Variants in KIF17 observed in about 807,000 individuals in gnomAD.
KIF17 encodes the protein kinesin-like protein KIF17.
Under a neutral mutation model 96.8 loss-of-function variants are expected in KIF17, and 80 were observed. That is an observed-to-expected ratio of 0.83 (90% confidence interval 0.69 to 1.00). KIF17 has a LOEUF of 1.00. KIF17 is among the 50% of genes least tolerant of loss of function. The probability of loss-of-function intolerance (pLI) is 0.00; values close to 1 mark genes in which losing one functional copy is unlikely to be tolerated. For synonymous variants in KIF17, 567 were observed against 587.5 expected (o/e 0.97, Z 0.51); for missense variants, 1,280 against 1,372.9 (o/e 0.93, Z 1.07).
In KIF17 at chr1:20,685,315, G is replaced by A. The variant is rs1027184172; in HGVS notation, c.2020-295C>T. The A allele has an allele frequency of 1.4e-4, 85 of 587,654 alleles. No homozygotes were observed. Among genetic ancestry groups the A allele is most frequent in the Middle Eastern group, 6.2e-4 (2 of 3,250 alleles). The allele number at this position is 587,654 out of a possible 1,614,324, so 36.4% of individuals were successfully genotyped here. On this transcript the variant is annotated intron_variant, in intron 9 of 14. Coordinates refer to ENST00000400463, the MANE Select transcript of KIF17 (RefSeq NM_001122819.3). This position sits in a 1 kb window ranked among gnomAD's most constrained non-coding sequence, Gnocchi z 4.1. ...TTAAAATAGAAACCGATCACATCCC[G>A]TTCCCGATGAGCCCCATGTGACTTC...
rs2054464044 is a variant in KIF17 at position 20,712,599 on chromosome 1, T to TATAATATAGATA, written c.480+854_480+855insTATCTATATTAT. ...AATATTATCTATATATATATCTATA[T>TATAATATAGATA]ATATCTATATATATATAATATAGAT... On this transcript the variant is annotated intron_variant, in intron 3 of 14. Transcript: ENST00000400463. Among the ~76,000 whole-genome samples the TATAATATAGATA allele has an allele frequency of 2.6e-3, 39 of 14,832 alleles. 2 individuals carry two copies. The highest frequency in any genetic ancestry group is 5.7e-3 in the Non-Finnish European group (29 of 5,050). 9.7% of individuals were successfully genotyped at this position (14,832 alleles called of 152,430 possible).
chr1:20,696,501 G>A (rs1158151263), intron 6 of KIF17, among the ~76,000 whole-genome samples: 1 of 152,072 alleles, frequency 6.6e-6, no homozygotes, highest in East Asian at 1.9e-4. Context: ...CGCCCCACGA[G>A]AAGGAGGCAG....
At position 20,713,448 on chromosome 1, in the gene KIF17, AC is replaced by A; in HGVS notation, c.480+5del. 8 of 1,609,356 alleles carry A rather than the reference AC, an allele frequency of 5.0e-6. No homozygotes were observed. The highest frequency in any genetic ancestry group is 6.8e-6 in the Non-Finnish European group (8 of 1,176,858). ...CCCCACCTGCCCACAATGGGTCTGC[AC>A]CCACCTCCAGCTTCTGCTTGGTGTC... On this transcript the variant is annotated splice_donor_5th_base_variant and intron_variant, in intron 3 of 14. Transcript: ENST00000400463.
At chr1:20,713,375 C>T in intron 3 of KIF17, 79 bp downstream of exon 3, 1 of 1,046,948 alleles carries the variant, frequency 9.6e-7, no homozygotes, top group Non-Finnish European at 1.5e-6. Context: ...AGGACACTTT[C>T]CCATATTTCT....
chr1:20,680,248 C>A (rs193080535), intron 11 of KIF17, among the ~76,000 whole-genome samples: 156 of 152,340 alleles, frequency 1.0e-3, no homozygotes, highest in African/African-American at 3.7e-3. Context: ...TCTCTGCCTT[C>A]AGCTGTTATT....
chr1:20,711,687 G>A (rs1416025080), intron 3 of KIF17, among the ~76,000 whole-genome samples: 5 of 152,160 alleles, frequency 3.3e-5, no homozygotes, highest in Admixed American at 3.3e-4. Flanking sequence ...TGGCTAGGGG[G>A]AGGGGATAGA....
At chr1:20,714,018 T>C (rs1376805636) in intron 2 of KIF17, among the ~76,000 whole-genome samples, 1 of 151,734 alleles carries the variant, frequency 6.6e-6, no homozygotes, top group Non-Finnish European at 1.5e-5. Context: ...GAAACCCCCG[T>C]CTCTACTAAA....
chr1:20,703,499 C>CATGG (rs200289845), intron 5 of KIF17, among the ~76,000 whole-genome samples: 117 of 145,174 alleles, frequency 8.1e-4, no homozygotes, highest in Middle Eastern at 3.5e-3. Context: ...TGGATGGATG[C>CATGG]ATGGATGGAT....
intron 4 of KIF17, among the ~76,000 whole-genome samples, chr1:20,706,915 G>T (rs1170335466): frequency 6.6e-6 from 1 of 151,166 alleles, no homozygotes; most frequent in African/African-American, 2.4e-5. Context: ...AAAAGTAAAA[G>T]AAAACAAACA....
Position 20,682,788 on chromosome 1 carries a change from C to T in KIF17, c.2328G>A (p.Glu776=). ...GGGCAGCCACCAGCTGCTTCCTGCG[C>T]TCGTCTGCGTAGCGCTTGCGCCGCT... is the stretch of plus-strand genomic sequence containing the variant. ...KHKRRKRYAD[E]RRKQLVAALQ... The change falls in exon 11 of 15, where the codon GAG becomes GAA. Residue 776 remains glutamate (E), a synonymous_variant. Transcript: ENST00000400463. The T allele has an allele frequency of 6.2e-7, 1 of 1,612,944 alleles. No homozygotes were observed. Among genetic ancestry groups the T allele is most frequent in the Non-Finnish European group, 8.5e-7 (1 of 1,180,046 alleles).
chr1:20,694,576 G>C (rs72650874), intron 6 of KIF17, among the ~76,000 whole-genome samples: 3 of 152,186 alleles, frequency 2.0e-5, no homozygotes, highest in Admixed American at 2.0e-4. Flanking sequence ...CAGGGATGGC[G>C]TGGGCAAGCA....
chr1:20,670,768 T>C (rs555571710), intron 12 of KIF17, among the ~76,000 whole-genome samples: 2 of 152,054 alleles, frequency 1.3e-5, no homozygotes, highest in Admixed American at 6.6e-5. Context: ...TCCCAGAGCA[T>C]GTGGGAAATG....
At chr1:20,668,712 A>T (rs368503152) in intron 13 of KIF17, among the ~76,000 whole-genome samples, 2 of 152,302 alleles carry the variant, frequency 1.3e-5, no homozygotes, top group East Asian at 3.9e-4. Flanking sequence ...AGAATCAGCT[A>T]ATTATGGCAT....
chr1:20,663,052 A>T (rs2053463662), downstream of KIF17, among the ~76,000 whole-genome samples: 1 of 152,118 alleles, frequency 6.6e-6, no homozygotes, highest in Non-Finnish European at 1.5e-5. Flanking sequence ...ACATGGTGAA[A>T]CCGCATCTCT....
At position 20,716,600 on chromosome 1, in the gene KIF17, G is replaced by T. The variant is rs188147264; in HGVS notation, c.231+876C>A. Among the ~76,000 whole-genome samples the T allele has an allele frequency of 1.8e-3, 280 of 152,336 alleles. 1 individual carries two copies. The highest frequency in any genetic ancestry group is 6.2e-3 in the African/African-American group (259 of 41,574). ...GGGCTCGTACTTTGCCAGGTGACAG[G>T]AAGAGGAAGGCATTCCAGGCTGAGG... On this transcript the variant is annotated intron_variant, in intron 1 of 14. Coordinates refer to ENST00000400463, the MANE Select transcript of KIF17 (RefSeq NM_001122819.3).
intron 1 of KIF17, among the ~76,000 whole-genome samples, chr1:20,716,316 A>G (rs2054577830): frequency 6.6e-6 from 1 of 152,142 alleles, no homozygotes; most frequent in Non-Finnish European, 1.5e-5. Flanking sequence ...GGGTGCATAC[A>G]GGGCTTCTTT....
intron 4 of KIF17, among the ~76,000 whole-genome samples, chr1:20,705,392 T>C (rs2054323071): frequency 6.6e-6 from 1 of 152,088 alleles, no homozygotes; most frequent in Non-Finnish European, 1.5e-5. Context: ...CAGAGCCACC[T>C]ACCTCCCAGA....
At position 20,700,736 on chromosome 1, in the gene KIF17, C is replaced by T. The variant is rs1380502388; in HGVS notation, c.1124-2248G>A. Among the ~76,000 whole-genome samples, 1 of 152,138 alleles carries T rather than the reference C, an allele frequency of 6.6e-6. No individual in the cohort carries two copies. Among genetic ancestry groups the T allele is most frequent in the African/African-American group, 2.4e-5 (1 of 41,416 alleles). On this transcript the variant is annotated intron_variant, in intron 5 of 14. Coordinates refer to ENST00000400463, the MANE Select transcript of KIF17 (RefSeq NM_001122819.3). The surrounding 1 kb of genome is among the most constrained non-coding windows in gnomAD (Gnocchi z 4.6). ...GCGAATTCCTAGAAACCGTAAACCA[C>T]GAGTCAGTGAGTCCATCTTTGGTAT... is the stretch of plus-strand genomic sequence containing the variant.
At chr1:20,714,409 G>A (rs143081481) in intron 2 of KIF17, among the ~76,000 whole-genome samples, 255 of 152,312 alleles carry the variant, frequency 1.7e-3, no homozygotes, top group African/African-American at 5.0e-3. Flanking sequence ...AGAATTGCTC[G>A]AACCCGGGAG....
Sources: gnomAD v4.1 joint callset for allele counts (sites outside exome capture counted in the v4.1 genomes callset) on GRCh38, gnomAD v4.1.1 for gene constraint, Gnocchi (gnomAD v3.1) non-coding constraint, MANE v1.5 for transcripts, NCBI Gene and HGNC (gene_info 2026-07-23, HGNC 2026-07-21) for gene names.